The following THRAP3 variants were observed in gnomAD, a reference collection of about 807,000 sequenced individuals.
THRAP3 encodes thyroid hormone receptor-associated protein 3.
Under a neutral mutation model 101.0 loss-of-function variants are expected in THRAP3, and 16 were observed. The ratio of observed to expected loss-of-function variants is 0.16; its 90% CI spans 0.11 to 0.24. THRAP3 has a LOEUF of 0.24. THRAP3 is among the 10% of genes least tolerant of loss of function. THRAP3 has a pLI of 1.00. For synonymous variants in THRAP3, 407 were observed against 422.6 expected (o/e 0.96, Z 0.45); for missense variants, 989 against 1,202.7 (o/e 0.82, Z 2.63).
rs572319661 is a variant in THRAP3 at position 36,253,136 on chromosome 1, G to T, written c.-134-6246G>T. On this transcript the variant is annotated intron_variant, in intron 1 of 11. Coordinates refer to ENST00000354618, the MANE Select transcript of THRAP3 (RefSeq NM_005119.4). ...GCTGATCTGTCGTGAAGTTTTATGTGTGTCATCTTTGAAAATGTCTTCACA... is the reference window on the plus strand; with the variant it reads ...GCTGATCTGTCGTGAAGTTTTATGTTTGTCATCTTTGAAAATGTCTTCACA... Among the ~76,000 whole-genome samples, 9 of 124,778 alleles carry T rather than the reference G, an allele frequency of 7.2e-5. No homozygotes were observed. The South Asian group carries it at 2.7e-3, about 37-fold the overall frequency. The allele number at this position is 124,778 out of a possible 152,430, so 81.9% of individuals were successfully genotyped here. A position where few individuals can be genotyped will look rare whatever the true frequency, so the allele number is the denominator to read the frequency against.
chr1:36,262,794 A>AT (rs1464621234), intron 2 of THRAP3, among the ~76,000 whole-genome samples: 2 of 143,398 alleles, frequency 1.4e-5, no homozygotes, highest in African/African-American at 2.5e-5. Flanking sequence ...TTATTTATTT[A>AT]TTATTATTAT....
At chr1:36,285,903 G>A (rs1570326578) in intron 3 of THRAP3, among the ~76,000 whole-genome samples, 1 of 152,112 alleles carries the variant, frequency 6.6e-6, no homozygotes, top group South Asian at 2.1e-4. Context: ...ACTAGGATAG[G>A]GTGTGGAGTG....
At chr1:36,212,203 T>C in the THRAP3 span, among the ~76,000 whole-genome samples, 6 of 152,160 alleles carry the variant, frequency 3.9e-5, no homozygotes, top group African/African-American at 1.4e-4. Context: ...TTGGTGCTTT[T>C]CCAGTTTAGC....
intron 3 of THRAP3, 123 bp downstream of exon 3, chr1:36,282,823 A>G: frequency 9.8e-7 from 1 of 1,025,440 alleles, no homozygotes; most frequent in Non-Finnish European, 1.5e-6. Context: ...CTTGAGGTGC[A>G]GGGTTGGGCT....
Position 36,250,127 on chromosome 1 carries a change from A to G in THRAP3, c.-134-9255A>G, listed in dbSNP as rs138682184. On this transcript the variant is annotated intron_variant, in intron 1 of 11. Coordinates refer to ENST00000354618, the MANE Select transcript of THRAP3 (RefSeq NM_005119.4). Reference sequence around the variant, plus strand: ...CAATTACATAAGGTAGACTCTGGATATATTATCGACATTTCCAACTCTAAA... The same window carrying G: ...CAATTACATAAGGTAGACTCTGGATGTATTATCGACATTTCCAACTCTAAA... Among the ~76,000 whole-genome samples, 716 of 152,136 alleles carry G rather than the reference A, an allele frequency of 4.7e-3. 7 individuals are homozygous for G. Among genetic ancestry groups the G allele is most frequent in the African/African-American group, 0.017 (690 of 41,492 alleles).
chr1:36,285,634 G>A lies in THRAP3; in HGVS notation c.138-734G>A, dbSNP rs532000423. On this transcript the variant is annotated intron_variant, in intron 3 of 11. Coordinates refer to ENST00000354618, the MANE Select transcript of THRAP3 (RefSeq NM_005119.4). ...TGCGTCCTTGGGTACTTTATGGTCCGATAGTGCCCTCTTGTGGCACCTAGT... is the reference window on the plus strand; with the variant it reads ...TGCGTCCTTGGGTACTTTATGGTCCAATAGTGCCCTCTTGTGGCACCTAGT... 2.9e-4 allele frequency among the ~76,000 whole-genome samples: 44 copies of A among 152,252 alleles called. No individual in the cohort carries two copies. The South Asian group carries it at 7.5e-3, about 26-fold the overall frequency.
upstream of THRAP3, chr1:36,224,410 GA>G (rs1644934222): frequency 6.5e-6 from 1 of 153,020 alleles, no homozygotes; most frequent in Non-Finnish European, 1.5e-5. Context: ...GCCGTCGTCG[GA>G]GAGCGGAGAC....
chr1:36,271,128 G>C (rs1323048921), intron 2 of THRAP3, among the ~76,000 whole-genome samples: 1 of 152,040 alleles, frequency 6.6e-6, no homozygotes, highest in East Asian at 1.9e-4. Flanking sequence ...ACAGTTTGCT[G>C]TATGTCCTTA....
At chr1:36,297,475 G>A (rs1169987953) in intron 9 of THRAP3, among the ~76,000 whole-genome samples, 1 of 138,746 alleles carries the variant, frequency 7.2e-6, no homozygotes, top group African/African-American at 2.8e-5. Flanking sequence ...TTGAGATGGA[G>A]TCTTGCTCTG....
Position 36,282,519 on chromosome 1 carries a change from T to C in THRAP3, c.-31-14T>C, listed in dbSNP as rs752558146. ...GAACTCACTCATTTGTTCTAATGCA[T>C]TTTCTTACATTAGGTGTAATTGAAA... On this transcript the variant is annotated splice_polypyrimidine_tract_variant and intron_variant, in intron 2 of 11. Coordinates refer to ENST00000354618, the MANE Select transcript of THRAP3 (RefSeq NM_005119.4). 62 of 1,588,084 alleles carry C rather than the reference T, an allele frequency of 3.9e-5. No individual in the cohort carries two copies. The highest frequency in any genetic ancestry group is 5.3e-5 in the Non-Finnish European group (62 of 1,161,600).
At chr1:36,287,443 C>G (rs1645811008) in intron 4 of THRAP3, 173 bp downstream of exon 4, 1 of 984,842 alleles carries the variant, frequency 1.0e-6, no homozygotes, top group Non-Finnish European at 1.2e-6. Context: ...TAGGTTAACT[C>G]TAGCTTTCCT....
At chr1:36,279,850 TTATC>T (rs1216235547) in intron 2 of THRAP3, among the ~76,000 whole-genome samples, 1 of 152,222 alleles carries the variant, frequency 6.6e-6, no homozygotes, top group African/African-American at 2.4e-5. Flanking sequence ...ACCTTTCAGT[TTATC>T]TATATCTTGT....
At chr1:36,250,570 T>C (rs1645288322) in intron 1 of THRAP3, among the ~76,000 whole-genome samples, 1 of 152,034 alleles carries the variant, frequency 6.6e-6, no homozygotes, top group East Asian at 1.9e-4. Context: ...ATAGTGAGAT[T>C]ATTTAGGAAT....
the THRAP3 span, among the ~76,000 whole-genome samples, chr1:36,211,596 G>A: frequency 6.6e-6 from 1 of 152,156 alleles, no homozygotes; most frequent in Non-Finnish European, 1.5e-5. Context: ...AACAAGCTTA[G>A]TAACCGCTAG....
At chr1:36,255,210 A>G (rs1324634348) in intron 1 of THRAP3, among the ~76,000 whole-genome samples, 9 of 152,186 alleles carry the variant, frequency 5.9e-5, no homozygotes. Context: ...TTGAAACAAG[A>G]ACACATTAGT....
At chr1:36,246,764 C>G (rs1176821546) in intron 1 of THRAP3, among the ~76,000 whole-genome samples, 1 of 151,894 alleles carries the variant, frequency 6.6e-6, no homozygotes, top group East Asian at 2.0e-4. Flanking sequence ...ATGGCGTGAA[C>G]CCAGGAGGCG....
Position 36,301,018 on chromosome 1 carries a change from A to G in THRAP3, c.2436A>G (p.Ser812=). 1 of 1,614,220 alleles carries G rather than the reference A, an allele frequency of 6.2e-7. No individual in the cohort carries two copies. The highest frequency in any genetic ancestry group is 1.1e-5 in the South Asian group (1 of 91,086). The change falls in exon 10 of 12, where the codon TCA becomes TCG. Residue 812 remains serine (S), a synonymous_variant. Coordinates refer to ENST00000354618, the MANE Select transcript of THRAP3 (RefSeq NM_005119.4). ...AGAGCACCACGGGCTTTGACAAATC[A>G]AGACTGGGGACCAAAGACTTTGTGG... The part of the protein sequence containing the change: ...REESTTGFDK[S]RLGTKDFVGP...
At chr1:36,223,388 T>G (rs368181982), upstream of THRAP3, among the ~76,000 whole-genome samples, 2 of 152,180 alleles carry the variant, frequency 1.3e-5, no homozygotes, top group Admixed American at 6.5e-5. Flanking sequence ...TCTCTGGAGG[T>G]GCAGAAATCC....
At chr1:36,259,946 T>G (rs1318263449) in intron 2 of THRAP3, among the ~76,000 whole-genome samples, 1 of 152,026 alleles carries the variant, frequency 6.6e-6, no homozygotes, top group Non-Finnish European at 1.5e-5. Flanking sequence ...TATACTTGTT[T>G]TAATTAAAAT....
Sources: allele counts gnomAD v4.1 joint callset (sites outside exome capture counted in the v4.1 genomes callset), GRCh38; gene constraint gnomAD v4.1.1; transcripts MANE v1.5; gene names NCBI Gene and HGNC (gene_info 2026-07-23, HGNC 2026-07-21).